The following LY75 variants were observed in gnomAD, a reference collection of about 807,000 sequenced individuals.
LY75 encodes the protein lymphocyte antigen 75.
Under a neutral mutation model 231.7 loss-of-function variants are expected in LY75, and 185 were observed. The observed-to-expected ratio is 0.80, with a 90% CI of 0.71 to 0.90. The LOEUF (loss-of-function observed/expected upper bound fraction) is 0.90. LY75 is among the 40% of genes least tolerant of loss of function. LY75 has a pLI of 0.00. For synonymous variants in LY75, 668 were observed against 689.0 expected (o/e 0.97, Z 0.48); for missense variants, 1,947 against 2,050.2 (o/e 0.95, Z 0.97).
Position 159,898,982 on chromosome 2 carries a change from C to T in LY75, c.172G>A (p.Asp58Asn), listed in dbSNP as rs777706840. 4.3e-6 allele frequency: 7 copies of T among 1,614,232 alleles called. No homozygotes were observed. Among genetic ancestry groups the T allele is most frequent in the Non-Finnish European group, 5.9e-6 (7 of 1,180,044 alleles). ...KPVYGWIVAD[D>N]CDETEDKLWK... ...AACTTGTCCTCAGTTTCATCACAGTCGTCTGCTACTATCCAGCCATACACT... is the reference window on the plus strand; with the variant it reads ...AACTTGTCCTCAGTTTCATCACAGTTGTCTGCTACTATCCAGCCATACACT... Residue 58 changes from aspartate (D) to asparagine (N), a missense_variant, in exon 2 of 35, where the codon GAC becomes AAC. Transcript: ENST00000263636.
intron 13 of LY75, among the ~76,000 whole-genome samples, chr2:159,870,136 A>G (rs867038884): frequency 1.3e-5 from 2 of 152,322 alleles, no homozygotes; most frequent in South Asian, 2.1e-4. Context: ...TCTAATGAGA[A>G]AAACACAGCA....
In LY75 at chr2:159,853,364, T is replaced by C. The variant is rs1684459066; in HGVS notation, c.2664-12A>G. The C allele has an allele frequency of 6.2e-7, 1 of 1,611,528 alleles. No individual in the cohort carries two copies. The highest frequency in any genetic ancestry group is 1.3e-5 in the African/African-American group (1 of 74,842). On this transcript the variant is annotated splice_polypyrimidine_tract_variant and intron_variant, in intron 19 of 34. Transcript: ENST00000263636. Reference sequence around the variant, plus strand: ...ATGGATATCGTGAGCTAAAAGAAAATGACAGATTTGACAACTCGTAATGTA... The same window carrying C: ...ATGGATATCGTGAGCTAAAAGAAAACGACAGATTTGACAACTCGTAATGTA...
chr2:159,841,486 T>TA lies in LY75; in HGVS notation c.3281-532_3281-531insT, dbSNP rs759925114. Among the ~76,000 whole-genome samples the TA allele has an allele frequency of 8.5e-4, 129 of 152,182 alleles. 1 individual carries two copies. Among genetic ancestry groups the TA allele is most frequent in the Non-Finnish European group, 1.5e-3 (99 of 68,004 alleles). On this transcript the variant is annotated intron_variant, in intron 24 of 34. Transcript: ENST00000263636. ...CACATGAGATATCTACTTACAGTTC[T>TA]CATTATATGACAAAATTTTTTCTTG...
In LY75 at chr2:159,894,055, CA is replaced by C. The variant is rs771133622; in HGVS notation, c.495del (p.Tyr165Ter). The C allele has an allele frequency of 6.2e-7, 1 of 1,612,920 alleles. No individual in the cohort carries two copies. The highest frequency in any genetic ancestry group is 1.7e-5 in the Admixed American group (1 of 59,900). ...HEIYTRDGNS[Y>X]GRPCEFPFLI... ...AAGAATGGAAATTCACAAGGTCTCCCATAAGAGTTCCCATCTCTGGTATAGA... is the reference window on the plus strand; with the variant it reads ...AAGAATGGAAATTCACAAGGTCTCCCTAAGAGTTCCCATCTCTGGTATAGA... On this transcript the variant is annotated frameshift_variant, in exon 3 of 35. Transcript: ENST00000263636. LOFTEE classifies it high-confidence loss of function.
In LY75 at chr2:159,805,239, T is replaced by A; in HGVS notation, c.4991-17A>T. On this transcript the variant is annotated splice_polypyrimidine_tract_variant and intron_variant, in intron 34 of 34. Coordinates refer to ENST00000263636, the MANE Select transcript of LY75 (RefSeq NM_002349.4). ...AATCAGGGCCTGGAACAGGAAAAGG[T>A]TTGATGTTGGAGGAGAGAATACAAA... 1 of 1,606,456 alleles carries A rather than the reference T, an allele frequency of 6.2e-7. No individual in the cohort carries two copies. The highest frequency in any genetic ancestry group is 8.5e-7 in the Non-Finnish European group (1 of 1,173,906).
chr2:159,819,831 C>T lies in LY75; in HGVS notation c.4048G>A (p.Ala1350Thr). 1 of 1,614,038 alleles carries T rather than the reference C, an allele frequency of 6.2e-7. No individual in the cohort carries two copies. The highest frequency in any genetic ancestry group is 8.5e-7 in the Non-Finnish European group (1 of 1,179,972). ...CAGAAGCCGTCAGTACTTAAACCAG[C>T]CAAAAACTTCTCATTTTTTATAGTT... is the stretch of plus-strand genomic sequence containing the variant. ...RPTIKNEKFL[A>T]GLSTDGFWDI... Residue 1350 changes from alanine (A) to threonine (T), a missense_variant, in exon 29 of 35, where the codon GCT becomes ACT. Ala to Thr is a moderately conservative substitution (Grantham distance 58, BLOSUM62 0). Transcript: ENST00000263636.
At chr2:159,842,688 A>C (rs1684074437) in intron 23 of LY75, among the ~76,000 whole-genome samples, 1 of 152,168 alleles carries the variant, frequency 6.6e-6, no homozygotes, top group Admixed American at 6.5e-5. Flanking sequence ...AATGATTATT[A>C]ATTCAACTTA....
intron 25 of LY75, 42 bp downstream of exon 25, chr2:159,840,686 GC>G: frequency 6.2e-7 from 1 of 1,612,068 alleles, no homozygotes; most frequent in South Asian, 1.1e-5. Flanking sequence ...AAAAAATGTC[GC>G]TTTCCATCAC....
intron 31 of LY75, among the ~76,000 whole-genome samples, 180 bp downstream of exon 31, chr2:159,815,225 T>A (rs1425509305): frequency 2.6e-5 from 4 of 152,128 alleles, no homozygotes; most frequent in Non-Finnish European, 5.9e-5. Context: ...ATGATCTCCA[T>A]CTCCTGACCT....
Position 159,835,476 on chromosome 2 carries a change from A to G in LY75, c.3673+4T>C, listed in dbSNP as rs370772692. The G allele has an allele frequency of 4.4e-6, 7 of 1,583,226 alleles. No individual in the cohort carries two copies. The African/African-American group carries it at 6.8e-5, about 15-fold the overall frequency. ...AAGAATTAAAAGATCTGAAATTCAC[A>G]TACTTCCTGAATAGTAGCAAATAGC... On this transcript the variant is annotated splice_donor_region_variant and intron_variant, in intron 26 of 34. Coordinates refer to ENST00000263636, the MANE Select transcript of LY75 (RefSeq NM_002349.4).
In LY75 at chr2:159,808,573, T is replaced by A; in HGVS notation, c.4700-2A>T. The A allele has an allele frequency of 6.2e-7, 1 of 1,613,042 alleles. No individual in the cohort carries two copies. Among genetic ancestry groups the A allele is most frequent in the Non-Finnish European group, 8.5e-7 (1 of 1,179,870 alleles). On this transcript the variant is annotated splice_acceptor_variant, in intron 32 of 34. Coordinates refer to ENST00000263636, the MANE Select transcript of LY75 (RefSeq NM_002349.4). LOFTEE classifies it high-confidence loss of function. ...TGGAAACGATAGTTGCAGAGTGATC[T>A]GTTGAAAGAAAACACATTCTCAATT...
chr2:159,822,048 T>G (rs1275418242), intron 28 of LY75, among the ~76,000 whole-genome samples: 1 of 152,194 alleles, frequency 6.6e-6, no homozygotes, highest in Admixed American at 6.5e-5. Flanking sequence ...ACGAGGAGAT[T>G]CCCTCTGGTG....
At position 159,874,550 on chromosome 2, in the gene LY75, TATTTTGTAAATCTATATAAATATGTAC is replaced by T. The variant is rs1685155867; in HGVS notation, c.1974+867_1974+893del. Among the ~76,000 whole-genome samples the T allele has an allele frequency of 2.7e-5, 2 of 73,396 alleles. 1 individual carries two copies. The allele number at this position is 73,396 out of a possible 152,430, so 48.2% of individuals were successfully genotyped here. ...TTGTAAATCTATATAAATATGTACA[TATTTTGTAAATCTATATAAATATGTAC>T]ATATTTTGTAAATATATATAAATAT... is the stretch of plus-strand genomic sequence containing the variant. On this transcript the variant is annotated intron_variant, in intron 12 of 34. Transcript: ENST00000263636.
intron 4 of LY75, 48 bp downstream of exon 4, chr2:159,890,165 C>G (rs1290871780): frequency 5.7e-6 from 9 of 1,578,074 alleles, no homozygotes; most frequent in Non-Finnish European, 7.7e-6. Flanking sequence ...GAAGAAGTAC[C>G]TTTACAATTT....
chr2:159,899,123 G>A, intron 1 of LY75, 64 bp from the exon 2 acceptor site: 1 of 1,562,022 alleles, frequency 6.4e-7, no homozygotes, highest in South Asian at 1.2e-5. Flanking sequence ...CCTGCCTGCT[G>A]AGGAGAGTCT....
chr2:159,878,212 T>G, intron 11 of LY75, 112 bp downstream of exon 11: 1 of 1,420,004 alleles, frequency 7.0e-7, no homozygotes, highest in Non-Finnish European at 9.5e-7. Flanking sequence ...ACTCCAATCC[T>G]GAAGATCATC....
chr2:159,841,742 T>G (rs1684036265), intron 24 of LY75, among the ~76,000 whole-genome samples: 1 of 152,094 alleles, frequency 6.6e-6, no homozygotes, highest in African/African-American at 2.4e-5. Flanking sequence ...TACTCAATAC[T>G]GCACTCAATT....
intron 1 of LY75, among the ~76,000 whole-genome samples, chr2:159,901,931 T>C (rs1686094247): frequency 6.6e-6 from 1 of 152,230 alleles, no homozygotes; most frequent in Admixed American, 6.5e-5. Context: ...TATCTTTCTT[T>C]AACCTTAGCA....
At chr2:159,823,641 T>A (rs970373134) in intron 28 of LY75, among the ~76,000 whole-genome samples, 1 of 151,824 alleles carries the variant, frequency 6.6e-6, no homozygotes, top group Non-Finnish European at 1.5e-5. Context: ...CCAAAACACA[T>A]AATCATCAAA....
Sources: allele counts gnomAD v4.1 joint callset (sites outside exome capture counted in the v4.1 genomes callset), GRCh38; gene constraint gnomAD v4.1.1; transcripts MANE v1.5; gene names NCBI Gene and HGNC (gene_info 2026-07-23, HGNC 2026-07-21).